Variants in KIF20B observed in about 807,000 individuals in gnomAD.
KIF20B encodes kinesin-like protein KIF20B.
Under a neutral mutation model 232.5 loss-of-function variants are expected in KIF20B, and 188 were observed. The observed-to-expected ratio is 0.81, with a 90% CI of 0.72 to 0.91. KIF20B has a LOEUF of 0.91. Among genes scored for constraint, KIF20B ranks in the 40% least tolerant of loss-of-function variants. KIF20B has a pLI of 0.00. For synonymous variants in KIF20B, 712 were observed against 683.0 expected (o/e 1.04, Z -0.66); for missense variants, 2,154 against 2,055.9 (o/e 1.05, Z -0.92).
At chr10:89,764,052 C>A (rs1180742563) in intron 29 of KIF20B, among the ~76,000 whole-genome samples, 4 of 115,894 alleles carry the variant, frequency 3.5e-5, no homozygotes, top group Admixed American at 2.0e-4. Flanking sequence ...CCCCCTCCCC[C>A]CACCCCACAA....
At chr10:89,722,116 A>G (rs1052214560) in intron 13 of KIF20B, among the ~76,000 whole-genome samples, 40 of 152,180 alleles carry the variant, frequency 2.6e-4, no homozygotes, top group African/African-American at 9.4e-4. Context: ...GCCTTGCTCT[A>G]TTGCCCAGGC....
intron 29 of KIF20B, among the ~76,000 whole-genome samples, chr10:89,767,580 T>C (rs1307140825): frequency 6.6e-6 from 1 of 152,044 alleles, no homozygotes; most frequent in Non-Finnish European, 1.5e-5. Flanking sequence ...CCTGAACTTT[T>C]ATCTTTGGTA....
intron 2 of KIF20B, among the ~76,000 whole-genome samples, chr10:89,707,134 C>T (rs908700784): frequency 6.6e-6 from 1 of 152,084 alleles, no homozygotes; most frequent in Non-Finnish European, 1.5e-5. Flanking sequence ...TATTTATAAA[C>T]ATTTTATGTT....
chr10:89,728,905 T>TTTTGTG (rs1843251302), intron 17 of KIF20B, among the ~76,000 whole-genome samples: 1 of 138,024 alleles, frequency 7.2e-6, no homozygotes, highest in South Asian at 2.4e-4. Context: ...TCTTTTTTCT[T>TTTTGTG]TGTGTGTGTG....
At chr10:89,764,681 G>C (rs1455031328) in intron 29 of KIF20B, among the ~76,000 whole-genome samples, 1 of 151,394 alleles carries the variant, frequency 6.6e-6, no homozygotes, top group Admixed American at 6.6e-5. Flanking sequence ...TTTTTTGGCT[G>C]CATAAATGTC....
intron 29 of KIF20B, 111 bp downstream of exon 29, chr10:89,762,946 A>C: frequency 2.7e-6 from 2 of 752,616 alleles, no homozygotes; most frequent in South Asian, 1.7e-5. Flanking sequence ...CTGCTGTTAG[A>C]GACCAAAATC....
At chr10:89,726,562 A>G in intron 16 of KIF20B, 41 bp downstream of exon 16, 3 of 1,440,496 alleles carry the variant, frequency 2.1e-6, no homozygotes, top group Non-Finnish European at 2.8e-6. Context: ...TATTGTAAAC[A>G]CATAAAAAGT....
In KIF20B at chr10:89,737,706, A is replaced by G. The variant is rs1399719463; in HGVS notation, c.2865A>G (p.Gln955=). 6 of 1,613,204 alleles carry G rather than the reference A, an allele frequency of 3.7e-6. No individual in the cohort carries two copies. The highest frequency in any genetic ancestry group is 1.1e-5 in the South Asian group (1 of 90,942). ...AELHVQKSKN[Q]EQEEKIMKLS... ...TACATGTGCAGAAAAGTAAAAATCA[A>G]GAACAGGAGGAAAAGATCATGAAAT... Residue 955 remains glutamine (Q), a synonymous_variant, in exon 20 of 33, where the codon CAA becomes CAG. Transcript: ENST00000371728.
chr10:89,757,872 A>G (rs961615611), intron 26 of KIF20B, among the ~76,000 whole-genome samples: 4 of 149,904 alleles, frequency 2.7e-5, no homozygotes, highest in African/African-American at 9.8e-5. Flanking sequence ...TTCCAGCCCC[A>G]TTTATTGGGA....
At chr10:89,739,851 A>T (rs1434483913) in intron 21 of KIF20B, among the ~76,000 whole-genome samples, 1 of 152,042 alleles carries the variant, frequency 6.6e-6, no homozygotes, top group Non-Finnish European at 1.5e-5. Context: ...TTTCTTCTCA[A>T]ACTTTTATTT....
chr10:89,767,495 T>A (rs1372091151), intron 29 of KIF20B, among the ~76,000 whole-genome samples: 1 of 152,054 alleles, frequency 6.6e-6, no homozygotes, highest in Admixed American at 6.6e-5. Flanking sequence ...ATGACCCTTA[T>A]AACTTCTGCT....
rs143064914 is a variant in KIF20B, at chr10:89,739,428, T to G, written c.3915+332T>G. On this transcript the variant is annotated intron_variant, in intron 21 of 32. Coordinates refer to ENST00000371728, the MANE Select transcript of KIF20B (RefSeq NM_001284259.2). ...GTGCAGTATGATTTTTTAGTTTTTATTATAACTTAATTTTTAAAAGGGAAT... is the reference window on the plus strand; with the variant it reads ...GTGCAGTATGATTTTTTAGTTTTTAGTATAACTTAATTTTTAAAAGGGAAT... Among the ~76,000 whole-genome samples the G allele has an allele frequency of 3.9e-5, 6 of 152,274 alleles. No individual in the cohort carries two copies. In the East Asian group the frequency reaches 1.2e-3, roughly 29 times the overall value.
intron 13 of KIF20B, among the ~76,000 whole-genome samples, chr10:89,722,201 C>T (rs879289768): frequency 6.6e-6 from 1 of 152,166 alleles, no homozygotes; most frequent in Non-Finnish European, 1.5e-5. Context: ...AGTCAATGTG[C>T]CCAGCCCTTT....
chr10:89,764,127 A>G (rs1028485710), intron 29 of KIF20B, among the ~76,000 whole-genome samples: 1 of 138,018 alleles, frequency 7.2e-6, no homozygotes, highest in Non-Finnish European at 1.5e-5. Context: ...ATTCCCACCT[A>G]TGAGTGAGAA....
Position 89,743,947 on chromosome 10 carries a change from A to G in KIF20B, c.4035+20A>G, listed in dbSNP as rs770147673. 1.9e-6 allele frequency: 3 copies of G among 1,568,188 alleles called. No homozygotes were observed. The highest frequency in any genetic ancestry group is 2.6e-6 in the Non-Finnish European group (3 of 1,162,564). On this transcript the variant is annotated intron_variant, in intron 22 of 32. Coordinates refer to ENST00000371728, the MANE Select transcript of KIF20B (RefSeq NM_001284259.2). The stretch of plus-strand genomic sequence containing the variant: ...CTCAAGGTAAACAGTTTTGTTTTTA[A>G]AGATGATTTAAATGCATTCTCTTGG...
intron 23 of KIF20B, among the ~76,000 whole-genome samples, chr10:89,747,115 G>A (rs1218647900): frequency 6.6e-6 from 1 of 152,144 alleles, no homozygotes; most frequent in East Asian, 1.9e-4. Context: ...CATTTATGCA[G>A]CCAAAAAACA....
intron 29 of KIF20B, among the ~76,000 whole-genome samples, chr10:89,767,017 A>G (rs1235805214): frequency 6.6e-6 from 1 of 151,922 alleles, no homozygotes; most frequent in Non-Finnish European, 1.5e-5. Flanking sequence ...TATATCCCTC[A>G]TGTATATTTC....
At chr10:89,722,069 C>T (rs551389295) in intron 13 of KIF20B, among the ~76,000 whole-genome samples, 17 of 151,926 alleles carry the variant, frequency 1.1e-4, no homozygotes, top group Non-Finnish European at 2.2e-4. Flanking sequence ...ATGCCACCAC[C>T]CCTAACTAAT....
chr10:89,758,703 T>A lies in KIF20B; in HGVS notation c.4504-3T>A, dbSNP rs779935303. ...TTTAATATTTTCTTTATTTCCTGAT[T>A]AGGAAATACTGACAGCCCAGCTGAC... On this transcript the variant is annotated splice_region_variant and splice_polypyrimidine_tract_variant and intron_variant, in intron 26 of 32. Coordinates refer to ENST00000371728, the MANE Select transcript of KIF20B (RefSeq NM_001284259.2). 2.6e-6 allele frequency: 4 copies of A among 1,558,412 alleles called. No homozygotes were observed. Among genetic ancestry groups the A allele is most frequent in the Non-Finnish European group, 2.6e-6 (3 of 1,156,288 alleles).
Sources: gnomAD v4.1 joint callset for allele counts (sites outside exome capture counted in the v4.1 genomes callset) on GRCh38, gnomAD v4.1.1 for gene constraint, MANE v1.5 for transcripts, NCBI Gene and HGNC (gene_info 2026-07-23, HGNC 2026-07-21) for gene names.